Variants in ZNF730 observed in about 807,000 individuals in gnomAD.
ZNF730 encodes putative zinc finger protein 730.
ZNF730 carries 12 observed loss-of-function variants against 12.6 expected under a neutral mutation model. That is an observed-to-expected ratio of 0.95 (90% CI 0.61 to 1.54). The LOEUF is 1.54. Ranked by LOEUF, ZNF730 falls within the 40% of genes most tolerant of loss-of-function variation. The pLI is 0.00. For synonymous variants in ZNF730, 194 were observed against 195.8 expected, an observed-to-expected ratio of 0.99 and a Z score of 0.08; for missense variants, 643 against 583.5, an observed-to-expected ratio of 1.10 and a Z score of -1.05.
intron 1 of ZNF730, among the ~76,000 whole-genome samples, chr19:23,088,958 C>T (rs570094428): frequency 1.3e-5 from 2 of 150,582 alleles, no homozygotes; most frequent in South Asian, 2.1e-4. Context: ...CCACAACCTC[C>T]ACCTCCCGGG....
rs993215387 is a variant in ZNF730, at chr19:23,146,374, A to G, written c.1330A>G (p.Arg444Gly). ...NQSSTLTTHK[R>G]IHTGEKPYEC... ...GTCCTCAACCCTTACTACACATAAA[A>G]GAATTCATACTGGAGAGAAACCCTA... The change falls in exon 4 of 4, where the codon AGA (arginine) becomes GGA (glycine). Residue 444 changes from arginine to glycine, a missense_variant. Physicochemically the swap from Arg to Gly is moderately radical, Grantham distance 125. Coordinates refer to ENST00000597761, the MANE Select transcript of ZNF730 (RefSeq NM_001277403.2). The G allele has an allele frequency of 1.2e-6, 2 of 1,613,380 alleles. No individual in the cohort carries two copies. Among genetic ancestry groups the G allele is most frequent in the Non-Finnish European group, 8.5e-7 (1 of 1,179,820 alleles).
intron 1 of ZNF730, among the ~76,000 whole-genome samples, chr19:23,080,092 C>T (rs1200844582): frequency 1.3e-5 from 2 of 151,894 alleles, no homozygotes; most frequent in Non-Finnish European, 2.9e-5. Context: ...ATTACAGGCA[C>T]GCGCCACCAT....
chr19:23,144,701 A>AAAAAAAAAAAG (rs1273023715), intron 3 of ZNF730, among the ~76,000 whole-genome samples: 1 of 16,598 alleles, frequency 6.0e-5, no homozygotes, highest in Non-Finnish European at 2.7e-4. Context: ...CTCTTGTCTC[A>AAAAAAAAAAAG]AAAAAAAAAA....
At chr19:23,097,140 A>G (rs538929004) in intron 1 of ZNF730, among the ~76,000 whole-genome samples, 71 of 152,196 alleles carry the variant, frequency 4.7e-4, no homozygotes, top group African/African-American at 1.7e-3. Flanking sequence ...TCTCCTGCCT[A>G]GTTTCTTCAC....
chr19:23,114,537 A>C, upstream of ZNF730, among the ~76,000 whole-genome samples: 1 of 149,762 alleles, frequency 6.7e-6, no homozygotes, highest in Non-Finnish European at 1.5e-5. Context: ...TATTTTTAGT[A>C]GAGACGGAGT....
At position 23,145,559 on chromosome 19, in the gene ZNF730, C is replaced by A. The variant is rs774604106; in HGVS notation, c.515C>A (p.Pro172His). 2.6e-6 allele frequency: 4 copies of A among 1,548,950 alleles called. No homozygotes were observed. The highest frequency in any genetic ancestry group is 3.5e-6 in the Non-Finnish European group (4 of 1,148,228). The change falls in exon 4 of 4, where the codon CCT becomes CAT. Residue 172 changes from proline (P) to histidine (H), a missense_variant. Physicochemically the swap from Pro to His is moderately conservative, Grantham distance 77 (BLOSUM62 -2). Transcript: ENST00000597761. ...RHKIRHTSKK[P>H]FKCKECGKLF... The stretch of plus-strand genomic sequence containing the variant: ...AAGATAAGACATACTTCGAAGAAAC[C>A]TTTCAAATGTAAAGAATGTGGAAAA...
At position 23,087,055 on chromosome 19, in the gene ZNF730, G is replaced by T. The variant is rs1360357131; in HGVS notation, c.-94+11668G>T. ...ATTTTATCTTTTTTGTGGCAACTGT[G>T]AATGTGAGTTTGTTCGTGATTTGGC... On this transcript the variant is annotated intron_variant, in intron 1 of 2. Transcript: ENST00000593635. Among the ~76,000 whole-genome samples the T allele has an allele frequency of 2.0e-5, 3 of 152,118 alleles. No individual in the cohort carries two copies. In the South Asian group the frequency reaches 6.2e-4, roughly 32 times the overall value.
chr19:23,076,737 G>T (rs921284604), intron 1 of ZNF730, among the ~76,000 whole-genome samples: 1 of 152,156 alleles, frequency 6.6e-6, no homozygotes, highest in Non-Finnish European at 1.5e-5. Context: ...AGGCACCACT[G>T]GTGGGAGTTT....
At chr19:23,083,475 T>C (rs1188823118) in intron 1 of ZNF730, among the ~76,000 whole-genome samples, 1 of 152,186 alleles carries the variant, frequency 6.6e-6, no homozygotes, top group Admixed American at 6.6e-5. Context: ...GGTCATATAG[T>C]AGCTCTATTT....
At chr19:23,137,263 AT>A (rs1280643932) in intron 3 of ZNF730, among the ~76,000 whole-genome samples, 2 of 152,146 alleles carry the variant, frequency 1.3e-5, no homozygotes, top group African/African-American at 2.4e-5. Context: ...GTCTTCTCTA[AT>A]TTTTTTAATT....
intron 3 of ZNF730, among the ~76,000 whole-genome samples, chr19:23,137,854 G>A (rs1248849852): frequency 6.6e-6 from 1 of 152,118 alleles, no homozygotes; most frequent in Non-Finnish European, 1.5e-5. Context: ...AAGGGGCTTG[G>A]GTAGTTATAA....
At chr19:23,100,998 C>T (rs1188958616) in intron 1 of ZNF730, among the ~76,000 whole-genome samples, 1 of 152,134 alleles carries the variant, frequency 6.6e-6, no homozygotes, top group Non-Finnish European at 1.5e-5. Context: ...GAGGACTCTC[C>T]TATCTGGACT....
chr19:23,144,714 A>AAAAAAC (rs946763060), intron 3 of ZNF730, among the ~76,000 whole-genome samples: 2 of 151,276 alleles, frequency 1.3e-5, no homozygotes, highest in African/African-American at 2.4e-5. Context: ...AAAAAAAAAA[A>AAAAAAC]AATTAGTAAT....
At chr19:23,104,563 T>A (rs1599580771) in intron 1 of ZNF730, among the ~76,000 whole-genome samples, 1 of 152,214 alleles carries the variant, frequency 6.6e-6, no homozygotes, top group East Asian at 1.9e-4. Flanking sequence ...TTTCTCTGCC[T>A]CTTTCCTCTA....
chr19:23,130,950 T>G (rs1970736681), intron 1 of ZNF730, among the ~76,000 whole-genome samples: 1 of 152,212 alleles, frequency 6.6e-6, no homozygotes, highest in Non-Finnish European at 1.5e-5. Flanking sequence ...AGATCAGTTT[T>G]GGGTGATGAA....
rs1170008160 is a variant in ZNF730, at chr19:23,145,790, T to A, written c.746T>A (p.Ile249Asn). The change falls in exon 4 of 4, where the codon ATT becomes AAT. Residue 249 changes from isoleucine to asparagine, a missense_variant. By Grantham distance (149) the Ile-to-Asn change is moderately radical. Transcript: ENST00000597761. ...TCACATTTTACTACACATAAGAGAA[T>A]TCATACTGGAGAAAAACCCTACCAA... The part of the protein sequence containing the change: ...WFSHFTTHKR[I>N]HTGEKPYQCE... The A allele has an allele frequency of 6.3e-7, 1 of 1,584,552 alleles. No homozygotes were observed.
intron 3 of ZNF730, among the ~76,000 whole-genome samples, chr19:23,144,499 G>T (rs1468078855): frequency 6.6e-6 from 1 of 151,910 alleles, no homozygotes; most frequent in Non-Finnish European, 1.5e-5. Context: ...AAGAGATCGA[G>T]ACCATCCTAG....
At chr19:23,130,383 C>G (rs1970731666) in intron 1 of ZNF730, among the ~76,000 whole-genome samples, 4 of 152,192 alleles carry the variant, frequency 2.6e-5, no homozygotes, top group Admixed American at 2.0e-4. Flanking sequence ...CATTAAATCT[C>G]TTTCTCTTCC....
intron 1 of ZNF730, chr19:23,100,044 A>G (rs1425114399): frequency 1.3e-5 from 2 of 152,062 alleles, no homozygotes; most frequent in Non-Finnish European, 2.9e-5. Context: ...TGTTCTTCCC[A>G]CTTAGGCTAT....
Sources: gnomAD v4.1 joint callset for allele counts (sites outside exome capture counted in the v4.1 genomes callset) on GRCh38, gnomAD v4.1.1 for gene constraint, MANE v1.5 for transcripts, NCBI Gene and HGNC (gene_info 2026-07-23, HGNC 2026-07-21) for gene names.